RNF220: variants seen among roughly 807,000 people sequenced by gnomAD.
The protein encoded by RNF220 is E3 ubiquitin-protein ligase RNF220.
RNF220 carries 7 observed loss-of-function variants against 67.1 expected under a neutral mutation model. That is an observed-to-expected ratio of 0.10 (90% CI 0.06 to 0.20). RNF220 has a LOEUF of 0.20. Ranked by LOEUF, RNF220 falls within the 10% of genes least tolerant of loss-of-function variation. The pLI is 1.00. For missense variants in RNF220, 565 were observed against 740.3 expected, an observed-to-expected ratio of 0.76 and a Z score of 2.75; for synonymous variants, 270 against 283.2, an observed-to-expected ratio of 0.95 and a Z score of 0.47.
chr1:44,598,330 C>T lies in RNF220; in HGVS notation c.626-15835C>T, dbSNP rs559260357. 8.5e-5 allele frequency among the ~76,000 whole-genome samples: 13 copies of T among 152,318 alleles called. No individual in the cohort carries two copies. In the East Asian group the frequency reaches 2.3e-3, roughly 27 times the overall value. On this transcript the variant is annotated intron_variant, in intron 2 of 14. Coordinates refer to ENST00000361799, the MANE Select transcript of RNF220 (RefSeq NM_018150.4). ...TTAATCACCCCTCCTGGTCCGCTAA[C>T]GAGGCTAATGCGGTAAGTGACAATA...
At chr1:44,619,410 C>T (rs1643699811) in intron 3 of RNF220, among the ~76,000 whole-genome samples, 1 of 152,096 alleles carries the variant, frequency 6.6e-6, no homozygotes, top group Non-Finnish European at 1.5e-5. Flanking sequence ...TTATTTAAGG[C>T]CGGCCTCGGT....
Position 44,645,094 on chromosome 1 carries a change from A to G in RNF220, c.1310+13A>G. ...GCGCAGTCCTAAAGCAAGTGTGGGC[A>G]CAGGCTTGGGCGGGTGGAGCAGAGA... On this transcript the variant is annotated intron_variant, in intron 10 of 14. Coordinates refer to ENST00000361799, the MANE Select transcript of RNF220 (RefSeq NM_018150.4). This position sits in a 1 kb window ranked among gnomAD's most constrained non-coding sequence, Gnocchi z 5.0. 1 of 1,614,118 alleles carries G rather than the reference A, an allele frequency of 6.2e-7. No homozygotes were observed. Among genetic ancestry groups the G allele is most frequent in the Non-Finnish European group, 8.5e-7 (1 of 1,179,966 alleles).
chr1:44,504,907 A>C (rs1434693248), intron 2 of RNF220, among the ~76,000 whole-genome samples: 1 of 152,082 alleles, frequency 6.6e-6, no homozygotes, highest in Non-Finnish European at 1.5e-5. Flanking sequence ...CCTCAGGGCC[A>C]TTTCAGATTG....
chr1:44,569,866 C>T (rs144991550), intron 2 of RNF220, among the ~76,000 whole-genome samples: 14 of 152,308 alleles, frequency 9.2e-5, no homozygotes, highest in Non-Finnish European at 1.6e-4. Context: ...CCGCATCGTC[C>T]TGGGCCCCAG....
intron 2 of RNF220, among the ~76,000 whole-genome samples, chr1:44,521,683 A>G (rs1216833937): frequency 2.6e-5 from 4 of 152,054 alleles, no homozygotes; most frequent in Non-Finnish European, 5.9e-5. Context: ...GGCCACATGG[A>G]TCGCTCGTAC....
rs1312196743 is a variant in RNF220 at position 44,649,800 on chromosome 1, G to A, written c.1554+31G>A. ...TAGAAAAGAACCTAGGGGTGCCCTT[G>A]GTCAGGCTTCCACGCCCTCTGGGGG... On this transcript the variant is annotated intron_variant, in intron 13 of 14. Coordinates refer to ENST00000361799, the MANE Select transcript of RNF220 (RefSeq NM_018150.4). The surrounding 1 kb of genome is among the most constrained non-coding windows in gnomAD (Gnocchi z 5.9). 1 of 1,613,636 alleles carries A rather than the reference G, an allele frequency of 6.2e-7. No homozygotes were observed. Among genetic ancestry groups the A allele is most frequent in the East Asian group, 2.2e-5 (1 of 44,876 alleles).
chr1:44,502,165 A>T (rs4999132), intron 2 of RNF220, among the ~76,000 whole-genome samples: 38,571 of 147,688 alleles, frequency 0.26, 5,199 homozygotes, highest in Middle Eastern at 0.27. Flanking sequence ...TCTCACACAC[A>T]CACACACACA....
In RNF220 at chr1:44,645,450, G is replaced by A; in HGVS notation, c.1407G>A (p.Glu469=). ...STSNGESSKQ[E]AMQKTCKNSD... ...GCAATGGTGAAAGCAGCAAGCAGGA[G>A]GCCATGCAGAAGACCTGCAAGAACA... Residue 469 remains glutamate, a synonymous_variant, in exon 12 of 15, where the codon GAG becomes GAA. Coordinates refer to ENST00000361799, the MANE Select transcript of RNF220 (RefSeq NM_018150.4). This position sits in a 1 kb window ranked among gnomAD's most constrained non-coding sequence, Gnocchi z 5.0. The A allele has an allele frequency of 1.9e-6, 3 of 1,614,130 alleles. No homozygotes were observed. The highest frequency in any genetic ancestry group is 2.5e-6 in the Non-Finnish European group (3 of 1,180,024).
Position 44,636,042 on chromosome 1 carries a change from T to G in RNF220, c.1006T>G (p.Cys336Gly). The G allele has an allele frequency of 6.2e-7, 1 of 1,614,236 alleles. No homozygotes were observed. Among genetic ancestry groups the G allele is most frequent in the Non-Finnish European group, 8.5e-7 (1 of 1,180,042 alleles). ...CTGCTCTTCACAGAGGGAAGGCTCC[T>G]GCATGGCTGAGGATGATGCTGTGGA... Reference protein sequence around the residue: ...KQDEGQREGSCMAEDDAVDIE... With the variant: ...KQDEGQREGSGMAEDDAVDIE... The change falls in exon 8 of 15, where the codon TGC becomes GGC. Residue 336 changes from cysteine to glycine, a missense_variant. By Grantham distance (159) the Cys-to-Gly change is radical. Coordinates refer to ENST00000361799, the MANE Select transcript of RNF220 (RefSeq NM_018150.4).
intron 2 of RNF220, among the ~76,000 whole-genome samples, chr1:44,593,714 T>C (rs1666270896): frequency 6.6e-6 from 1 of 151,918 alleles, no homozygotes; most frequent in Admixed American, 6.6e-5. Context: ...TGAGACCCTG[T>C]CTCAAAAAAA....
At chr1:44,533,927 C>T (rs1286851264) in intron 2 of RNF220, among the ~76,000 whole-genome samples, 1 of 152,156 alleles carries the variant, frequency 6.6e-6, no homozygotes, top group Non-Finnish European at 1.5e-5. Context: ...GAGATGAGCC[C>T]GAAGAAGGAG....
At chr1:44,555,620 G>A (rs1187911487) in intron 2 of RNF220, among the ~76,000 whole-genome samples, 3 of 150,280 alleles carry the variant, frequency 2.0e-5, no homozygotes, top group South Asian at 2.1e-4. Flanking sequence ...GACTACAGGC[G>A]CCTGCCACCA....
intron 2 of RNF220, among the ~76,000 whole-genome samples, chr1:44,524,552 C>A (rs1417464413): frequency 1.3e-5 from 2 of 152,152 alleles, no homozygotes; most frequent in Non-Finnish European, 2.9e-5. Context: ...CTCTTACCTG[C>A]CTCAAACACG....
intron 2 of RNF220, among the ~76,000 whole-genome samples, chr1:44,517,759 T>G (rs2148144275): frequency 6.6e-6 from 1 of 152,330 alleles, no homozygotes; most frequent in East Asian, 1.9e-4. Context: ...ATATTTTTGT[T>G]AAAAAGGAAT....
Position 44,645,567 on chromosome 1 carries a change from T to C in RNF220, c.1445+79T>C. 1 of 1,428,920 alleles carries C rather than the reference T, an allele frequency of 7.0e-7. No homozygotes were observed. Among genetic ancestry groups the C allele is most frequent in the Non-Finnish European group, 9.7e-7 (1 of 1,027,040 alleles). 88.5% of individuals were successfully genotyped at this position (1,428,920 alleles called of 1,614,324 possible). A position where few individuals can be genotyped will look rare whatever the true frequency, so the allele number is the denominator to read the frequency against. On this transcript the variant is annotated intron_variant, in intron 12 of 14. Transcript: ENST00000361799. This position sits in a 1 kb window ranked among gnomAD's most constrained non-coding sequence, Gnocchi z 5.0. ...GCCCTTTGCTAGCAGGAAGGCCTGC[T>C]GCCAGGGCTTCTGGCCCTCCCAAGT... is the stretch of plus-strand genomic sequence containing the variant.
intron 2 of RNF220, among the ~76,000 whole-genome samples, chr1:44,432,732 A>T (rs1284413162): frequency 6.6e-6 from 1 of 152,168 alleles, no homozygotes; most frequent in Non-Finnish European, 1.5e-5. Flanking sequence ...GTGCACCACC[A>T]CAAAACGCTC....
rs1445179984 is a variant in RNF220 at position 44,461,920 on chromosome 1, C to CTTTTTTT, written c.625+49201_625+49202insTTTTTTT. Among the ~76,000 whole-genome samples, 192 of 118,126 alleles carry CTTTTTTT rather than the reference C, an allele frequency of 1.6e-3. 8 individuals are homozygous for CTTTTTTT. Among genetic ancestry groups the CTTTTTTT allele is most frequent in the African/African-American group, 6.1e-3 (178 of 29,224 alleles). The allele number at this position is 118,126 out of a possible 152,430, so 77.5% of individuals were successfully genotyped here. A position where few individuals can be genotyped will look rare whatever the true frequency, so the allele number is the denominator to read the frequency against. ...ATCATATTTTTTTCTTTTCTTTTTT[C>CTTTTTTT]TTTGTTTTTTTTTTTTTTTTTTTTT... is the stretch of plus-strand genomic sequence containing the variant. On this transcript the variant is annotated intron_variant, in intron 2 of 14. Coordinates refer to ENST00000361799, the MANE Select transcript of RNF220 (RefSeq NM_018150.4).
At position 44,412,535 on chromosome 1, in the gene RNF220, T is replaced by C; in HGVS notation, c.438T>C (p.His146=). 6.2e-7 allele frequency: 1 copy of C among 1,614,134 alleles called. No homozygotes were observed. Among genetic ancestry groups the C allele is most frequent in the African/African-American group, 1.3e-5 (1 of 75,014 alleles). The change falls in exon 2 of 15, where the codon CAT becomes CAC. Residue 146 remains histidine, a synonymous_variant. Transcript: ENST00000361799. This position sits in a 1 kb window ranked among gnomAD's most constrained non-coding sequence, Gnocchi z 5.3. ...FTPAKRLKNC[H]DTESPHLRFS... is the part of the protein sequence containing the mutation. ...CGGCCAAGCGACTTAAGAACTGCCATGACACAGAGTCTCCCCACTTGCGCT... is the reference window on the plus strand; with the variant it reads ...CGGCCAAGCGACTTAAGAACTGCCACGACACAGAGTCTCCCCACTTGCGCT...
chr1:44,524,761 CATTACTGCCCTTGACGTTT>C (rs1660232298), intron 2 of RNF220, among the ~76,000 whole-genome samples: 2 of 152,320 alleles, frequency 1.3e-5, no homozygotes, highest in Admixed American at 1.3e-4. Flanking sequence ...CCGCTAATCG[CATTACTGCCCTTGACGTTT>C]TACAGATATC....
Sources: allele counts gnomAD v4.1 joint callset (sites outside exome capture counted in the v4.1 genomes callset), GRCh38; gene constraint gnomAD v4.1.1; non-coding constraint Gnocchi (gnomAD v3.1); transcripts MANE v1.5; gene names NCBI Gene and HGNC (gene_info 2026-07-23, HGNC 2026-07-21).